Variants in LRRC4C observed in about 807,000 individuals in gnomAD.
LRRC4C encodes the protein leucine-rich repeat-containing protein 4C.
LRRC4C carries 5 observed loss-of-function variants against 33.6 expected under a neutral mutation model. The observed-to-expected ratio is 0.15, with a 90% CI of 0.08 to 0.31. The LOEUF (loss-of-function observed/expected upper bound fraction) is 0.31. LRRC4C is among the 10% of genes least tolerant of loss of function. LRRC4C has a pLI of 1.00. For missense variants in LRRC4C, 560 were observed against 796.7 expected, an observed-to-expected ratio of 0.70 and a Z score of 3.58; for synonymous variants, 329 against 302.0, an observed-to-expected ratio of 1.09 and a Z score of -0.93.
chr11:40,183,901 G>A (rs1234550075), intron 5 of LRRC4C, among the ~76,000 whole-genome samples: 1 of 152,194 alleles, frequency 6.6e-6, no homozygotes, highest in African/African-American at 2.4e-5. Flanking sequence ...ACAAGTCAAG[G>A]TCCTTGAGAG....
chr11:40,623,356 C>A (rs983095232), intron 3 of LRRC4C, among the ~76,000 whole-genome samples: 11 of 151,926 alleles, frequency 7.2e-5, no homozygotes, highest in African/African-American at 2.7e-4. Flanking sequence ...TTATCTCATG[C>A]TATTTTAAGT....
intron 3 of LRRC4C, among the ~76,000 whole-genome samples, chr11:40,361,882 C>A (rs183849564): frequency 5.3e-5 from 8 of 152,178 alleles, no homozygotes; most frequent in Admixed American, 5.2e-4. Context: ...GCTATAGTAA[C>A]CAAAACAGCA....
At chr11:40,513,945 C>A (rs544168174) in intron 3 of LRRC4C, among the ~76,000 whole-genome samples, 6 of 152,254 alleles carry the variant, frequency 3.9e-5, no homozygotes, top group Non-Finnish European at 7.4e-5. Flanking sequence ...AGACAAAGAG[C>A]CAACTGTCTC....
At chr11:40,689,039 TA>T (rs1246512175) in intron 2 of LRRC4C, among the ~76,000 whole-genome samples, 1 of 152,086 alleles carries the variant, frequency 6.6e-6, no homozygotes, top group African/African-American at 2.4e-5. Flanking sequence ...TAAACACTAT[TA>T]TTTTTTTTTT....
chr11:40,972,135 A>AC (rs1851766968), intron 1 of LRRC4C, among the ~76,000 whole-genome samples: 1 of 138,712 alleles, frequency 7.2e-6, no homozygotes, highest in African/African-American at 2.7e-5. Flanking sequence ...GGGAAGCCAT[A>AC]ATTTTTTTTT....
chr11:40,631,484 A>C (rs1963473747), intron 3 of LRRC4C, among the ~76,000 whole-genome samples: 1 of 152,192 alleles, frequency 6.6e-6, no homozygotes, highest in South Asian at 2.1e-4. Flanking sequence ...ATATGGCTGC[A>C]AAATAGGAAA....
chr11:40,770,751 C>T (rs967265901), intron 2 of LRRC4C, among the ~76,000 whole-genome samples: 1 of 152,164 alleles, frequency 6.6e-6, no homozygotes, highest in Non-Finnish European at 1.5e-5. Flanking sequence ...GGGCTACAGG[C>T]CCCATGCAAG....
chr11:41,165,539 A>G (rs4755570), intron 1 of LRRC4C, among the ~76,000 whole-genome samples: 18,847 of 152,108 alleles, frequency 0.12, 1,344 homozygotes, highest in African/African-American at 0.19. Flanking sequence ...CCACTTCAAG[A>G]CAACCTGAGG....
chr11:40,249,331 C>T (rs971655840), intron 4 of LRRC4C, among the ~76,000 whole-genome samples: 3 of 151,750 alleles, frequency 2.0e-5, no homozygotes, highest in Admixed American at 6.6e-5. Flanking sequence ...GAGTGAGACT[C>T]CATCTCAAAA....
intron 1 of LRRC4C, among the ~76,000 whole-genome samples, chr11:41,442,000 A>G (rs1183294206): frequency 6.6e-6 from 1 of 152,196 alleles, no homozygotes; most frequent in Non-Finnish European, 1.5e-5. Context: ...CAGTCTTCAA[A>G]TTTACATATG....
chr11:40,185,612 C>T (rs1861343372), intron 5 of LRRC4C, among the ~76,000 whole-genome samples: 1 of 152,196 alleles, frequency 6.6e-6, no homozygotes, highest in Non-Finnish European at 1.5e-5. Flanking sequence ...GTGCCAGGCA[C>T]TGTGCTAGAA....
Position 40,698,032 on chromosome 11 carries a change from C to A in LRRC4C, c.-406-49754G>T, listed in dbSNP as rs561581074. On this transcript the variant is annotated intron_variant, in intron 2 of 6. Transcript: ENST00000528697. ...ACAGTGAGCAGAGATTGCACCACTG[C>A]CCTCCAGCCTGGGCAACAGAGTGAG... 1.4e-4 allele frequency among the ~76,000 whole-genome samples: 21 copies of A among 150,340 alleles called. No homozygotes were observed. The East Asian group carries it at 4.1e-3, about 30-fold the overall frequency.
intron 1 of LRRC4C, among the ~76,000 whole-genome samples, chr11:40,988,366 G>A (rs1169818364): frequency 6.6e-6 from 1 of 152,056 alleles, no homozygotes; most frequent in East Asian, 1.9e-4. Flanking sequence ...AAGTTACTCA[G>A]TCTAAGTTCA....
intron 1 of LRRC4C, among the ~76,000 whole-genome samples, chr11:41,269,558 A>G (rs929136033): frequency 6.6e-6 from 1 of 152,054 alleles, no homozygotes; most frequent in African/African-American, 2.4e-5. Flanking sequence ...CACCAGGGAG[A>G]AGGTAGTCTG....
chr11:41,282,940 C>T lies in LRRC4C; in HGVS notation c.-496+176491G>A, dbSNP rs552939921. 1.2e-4 allele frequency among the ~76,000 whole-genome samples: 19 copies of T among 152,262 alleles called. No homozygotes were observed. In the Middle Eastern group the frequency reaches 0.01, roughly 82 times the overall value. Reference sequence around the variant, plus strand: ...TCAAAACAGGCTCTAAGAAAAATCACACCAGAGCCAACAGGGGAGAAAAAA... The same window carrying T: ...TCAAAACAGGCTCTAAGAAAAATCATACCAGAGCCAACAGGGGAGAAAAAA... On this transcript the variant is annotated intron_variant, in intron 1 of 6. Transcript: ENST00000528697.
At chr11:40,635,628 A>ATTTTTTTTTTT (rs71060975) in intron 3 of LRRC4C, among the ~76,000 whole-genome samples, 11 of 92,222 alleles carry the variant, frequency 1.2e-4, no homozygotes, top group African/African-American at 4.4e-4. Context: ...AAAGAACCAA[A>ATTTTTTTTTTT]TTTTTTTTTT....
At chr11:40,444,670 C>A (rs1348728251) in intron 3 of LRRC4C, among the ~76,000 whole-genome samples, 1 of 152,162 alleles carries the variant, frequency 6.6e-6, no homozygotes, top group African/African-American at 2.4e-5. Context: ...CCTGATCTGG[C>A]ATTTCCAATG....
chr11:40,339,488 T>C (rs1387344515), intron 3 of LRRC4C, among the ~76,000 whole-genome samples: 1 of 152,216 alleles, frequency 6.6e-6, no homozygotes, highest in Non-Finnish European at 1.5e-5. Flanking sequence ...TTTCAGAATA[T>C]AAGTCTGGGA....
chr11:41,160,015 G>A (rs1367748955), intron 1 of LRRC4C, among the ~76,000 whole-genome samples: 1 of 151,612 alleles, frequency 6.6e-6, no homozygotes, highest in Non-Finnish European at 1.5e-5. Flanking sequence ...TATAACAAAA[G>A]GGCACACACA....
Sources: gnomAD v4.1 joint callset for allele counts (sites outside exome capture counted in the v4.1 genomes callset) on GRCh38, gnomAD v4.1.1 for gene constraint, MANE v1.5 for transcripts, NCBI Gene and HGNC (gene_info 2026-07-23, HGNC 2026-07-21) for gene names.